Variants in RYR2 observed in about 807,000 individuals in gnomAD.
RYR2 encodes the protein cardiac muscle ryanodine receptor-calcium release channel.
In RYR2, 227 loss-of-function variants were observed where a neutral mutation model predicts 601.1. The ratio of observed to expected loss-of-function variants is 0.38; its 90% CI spans 0.34 to 0.42. The LOEUF (loss-of-function observed/expected upper bound fraction) is 0.42. RYR2 is among the 10% of genes least tolerant of loss of function. RYR2 has a pLI of 1.00. For missense variants in RYR2, 4,646 were observed against 6,156.5 expected (o/e 0.75, Z 8.21); for synonymous variants, 2,223 against 2,175.1 (o/e 1.02, Z -0.61).
intron 29 of RYR2, among the ~76,000 whole-genome samples, chr1:237,577,893 C>T (rs1673444370): frequency 6.6e-6 from 1 of 152,158 alleles, no homozygotes; most frequent in Non-Finnish European, 1.5e-5. Flanking sequence ...ACCTCTACCT[C>T]CCGGGTTCAA....
At chr1:237,578,207 A>C (rs945910697) in intron 29 of RYR2, among the ~76,000 whole-genome samples, 2 of 152,120 alleles carry the variant, frequency 1.3e-5, no homozygotes, top group Non-Finnish European at 2.9e-5. Flanking sequence ...TAAGTATGAG[A>C]GGAGATAATT....
intron 1 of RYR2, among the ~76,000 whole-genome samples, chr1:237,070,742 G>GTGGGC (rs1253724088): frequency 4.6e-5 from 7 of 152,228 alleles, no homozygotes; most frequent in Non-Finnish European, 8.8e-5. Context: ...CTGGGGTGGG[G>GTGGGC]TGGGCTGCTC....
intron 3 of RYR2, among the ~76,000 whole-genome samples, chr1:237,354,323 A>G (rs1699114404): frequency 6.6e-6 from 1 of 151,726 alleles, no homozygotes; most frequent in African/African-American, 2.4e-5. Flanking sequence ...CCATAACTTT[A>G]TCTTTGCACT....
At position 237,503,274 on chromosome 1, in the gene RYR2, G is replaced by T. The variant is rs373758984; in HGVS notation, c.2397-15G>T. 3 of 1,584,124 alleles carry T rather than the reference G, an allele frequency of 1.9e-6. No homozygotes were observed. In the East Asian group the frequency reaches 6.9e-5, roughly 36 times the overall value. On this transcript the variant is annotated splice_polypyrimidine_tract_variant and intron_variant, in intron 21 of 104. Coordinates refer to ENST00000366574, the MANE Select transcript of RYR2 (RefSeq NM_001035.3). ...CACCAGAGATAAAATTGACTCTAAC[G>T]TGCATCCTCTTTAGAGTACGCTTTC...
chr1:237,608,586 C>T (rs1365075732), intron 35 of RYR2, among the ~76,000 whole-genome samples: 1 of 152,036 alleles, frequency 6.6e-6, no homozygotes, highest in Non-Finnish European at 1.5e-5. Context: ...CCTTTAGTCC[C>T]AGATCCTCCA....
chr1:237,563,895 T>G (rs962578020), intron 27 of RYR2, among the ~76,000 whole-genome samples: 4 of 152,156 alleles, frequency 2.6e-5, no homozygotes, highest in Non-Finnish European at 4.4e-5. Context: ...TTTCAGTAGT[T>G]TAGTTTTCCA....
At chr1:237,753,322 G>A (rs985574806) in intron 80 of RYR2, among the ~76,000 whole-genome samples, 4 of 152,212 alleles carry the variant, frequency 2.6e-5, no homozygotes, top group South Asian at 4.2e-4. Flanking sequence ...ACAAGTTGTC[G>A]AAGAACTAAA....
At position 237,513,774 on chromosome 1, in the gene RYR2, C is replaced by T. The variant is rs114790556; in HGVS notation, c.2822+1983C>T. ...TAGCTTAGGTGTGTAGTAGGCTCTA[C>T]GATCTAGGTTTGTACGAATATACTC... On this transcript the variant is annotated intron_variant, in intron 24 of 104. Coordinates refer to ENST00000366574, the MANE Select transcript of RYR2 (RefSeq NM_001035.3). Among the ~76,000 whole-genome samples, 793 of 152,230 alleles carry T rather than the reference C, an allele frequency of 5.2e-3. 6 individuals are homozygous for T. The highest frequency in any genetic ancestry group is 0.017 in the African/African-American group (699 of 41,526).
At chr1:237,307,486 T>C (rs1693992522) in intron 2 of RYR2, among the ~76,000 whole-genome samples, 1 of 152,264 alleles carries the variant, frequency 6.6e-6, no homozygotes, top group African/African-American at 2.4e-5. Flanking sequence ...AAGTAGAATT[T>C]TTACAATAAT....
Position 237,610,674 on chromosome 1 carries a change from C to G in RYR2, c.4684-88C>G. 9.4e-7 allele frequency: 1 copy of G among 1,067,692 alleles called. No homozygotes were observed. The highest frequency in any genetic ancestry group is 2.6e-5 in the East Asian group (1 of 38,322). 66.1% of individuals were successfully genotyped at this position (1,067,692 alleles called of 1,614,324 possible). ...CATAGGGTTATCTTACTTTCCCTGTCTCTGTCCTGTGCAGAATTCTAGTCA... is the reference window on the plus strand; with the variant it reads ...CATAGGGTTATCTTACTTTCCCTGTGTCTGTCCTGTGCAGAATTCTAGTCA... On this transcript the variant is annotated intron_variant, in intron 35 of 104. Transcript: ENST00000366574. The surrounding 1 kb of genome is among the most constrained non-coding windows in gnomAD (Gnocchi z 4.9).
chr1:237,373,312 T>C (rs1258218248), intron 6 of RYR2, among the ~76,000 whole-genome samples: 1 of 152,200 alleles, frequency 6.6e-6, no homozygotes, highest in Non-Finnish European at 1.5e-5. Context: ...AGAATCAGAA[T>C]CTGCAGGTCA....
chr1:237,791,881 T>C, intron 93 of RYR2: 1 of 586,902 alleles, frequency 1.7e-6, no homozygotes, highest in East Asian at 2.8e-5. Flanking sequence ...TGCATTGGAA[T>C]CCTCAGAATT....
intron 2 of RYR2, among the ~76,000 whole-genome samples, chr1:237,294,671 G>A (rs768110286): frequency 2.6e-4 from 39 of 152,076 alleles, no homozygotes; most frequent in Non-Finnish European, 5.4e-4. Flanking sequence ...ATGCACACAC[G>A]CATATACATT....
chr1:237,281,543 G>A (rs1690870621), intron 2 of RYR2, among the ~76,000 whole-genome samples: 1 of 152,188 alleles, frequency 6.6e-6, no homozygotes, highest in South Asian at 2.1e-4. Context: ...CAAAAAGATT[G>A]GCAGATATTT....
chr1:237,803,467 AT>A (rs1290893583), intron 98 of RYR2, among the ~76,000 whole-genome samples: 4 of 152,020 alleles, frequency 2.6e-5, no homozygotes, highest in Non-Finnish European at 4.4e-5. Flanking sequence ...CGCCCGGCTA[AT>A]TTTTTGTACT....
Position 237,795,270 on chromosome 1 carries a change from A to ATG in RYR2, c.13914-18_13914-17dup, listed in dbSNP as rs1319931019. ...ATTAAAAATAATACTATTTACTTCT[A>ATG]TGCTTTTGTATATTTTAGGTCATTT... On this transcript the variant is annotated intron_variant, in intron 95 of 104. Coordinates refer to ENST00000366574, the MANE Select transcript of RYR2 (RefSeq NM_001035.3). 1 of 1,219,664 alleles carries ATG rather than the reference A, an allele frequency of 8.2e-7. No homozygotes were observed. Among genetic ancestry groups the ATG allele is most frequent in the African/African-American group, 1.6e-5 (1 of 64,390 alleles). 75.6% of individuals were successfully genotyped at this position (1,219,664 alleles called of 1,614,324 possible).
chr1:237,294,644 C>G (rs1692574606), intron 2 of RYR2, among the ~76,000 whole-genome samples: 1 of 152,068 alleles, frequency 6.6e-6, no homozygotes, highest in Admixed American at 6.6e-5. Flanking sequence ...CTTGCAATTG[C>G]AAATATGTGT....
chr1:237,655,755 C>T, intron 52 of RYR2, 66 bp from the exon 53 acceptor site: 1 of 1,446,172 alleles, frequency 6.9e-7, no homozygotes. Flanking sequence ...TCTGTCAGCC[C>T]TGATGATCAT....
chr1:237,258,735 G>A (rs1409083850), intron 1 of RYR2, among the ~76,000 whole-genome samples: 2 of 152,210 alleles, frequency 1.3e-5, no homozygotes, highest in African/African-American at 4.8e-5. Context: ...ACAGCCCTGA[G>A]TGAGACTGAA....
Sources: allele counts gnomAD v4.1 joint callset (sites outside exome capture counted in the v4.1 genomes callset), GRCh38; gene constraint gnomAD v4.1.1; non-coding constraint Gnocchi (gnomAD v3.1); transcripts MANE v1.5; gene names NCBI Gene and HGNC (gene_info 2026-07-23, HGNC 2026-07-21).